Variants in PDGFD observed in about 807,000 individuals in gnomAD.
PDGFD encodes the protein platelet-derived growth factor D.
In PDGFD, 30 loss-of-function variants were observed where a neutral mutation model predicts 44.7. The observed-to-expected ratio is 0.67, with a 90% CI of 0.50 to 0.91. PDGFD has a LOEUF of 0.91. PDGFD is among the 40% of genes least tolerant of loss of function. PDGFD has a pLI of 0.00. For synonymous variants in PDGFD, 173 were observed against 168.4 expected (o/e 1.03, Z -0.21); for missense variants, 445 against 457.8 (o/e 0.97, Z 0.25).
chr11:103,982,336 C>G (rs1244023102), intron 3 of PDGFD, among the ~76,000 whole-genome samples: 1 of 151,670 alleles, frequency 6.6e-6, no homozygotes, highest in African/African-American at 2.4e-5. Context: ...TTGGTTCAGC[C>G]CAGTTAAATA....
At chr11:104,158,054 C>T (rs1376562479) in intron 1 of PDGFD, among the ~76,000 whole-genome samples, 1 of 152,240 alleles carries the variant, frequency 6.6e-6, no homozygotes. Context: ...AGTTCAGACA[C>T]CACTTCCTCT....
intron 1 of PDGFD, among the ~76,000 whole-genome samples, chr11:104,160,895 A>G (rs991621112): frequency 2.0e-5 from 3 of 152,162 alleles, no homozygotes; most frequent in African/African-American, 7.2e-5. Context: ...CAACCCTAAC[A>G]TTATGTATTT....
intron 1 of PDGFD, among the ~76,000 whole-genome samples, chr11:104,136,475 C>T (rs1862006071): frequency 6.6e-6 from 1 of 151,970 alleles, no homozygotes; most frequent in Non-Finnish European, 1.5e-5. Context: ...AAAACAAATG[C>T]CAATTAAAGA....
chr11:104,015,970 T>C (rs962242182), intron 1 of PDGFD, among the ~76,000 whole-genome samples: 2 of 152,192 alleles, frequency 1.3e-5, no homozygotes, highest in African/African-American at 2.4e-5. Flanking sequence ...ATTCTCACAA[T>C]TAATAAATTT....
rs989891953 is a variant in PDGFD at position 104,056,445 on chromosome 11, G to A, written c.125-56190C>T. Among the ~76,000 whole-genome samples the A allele has an allele frequency of 1.8e-4, 27 of 152,038 alleles. 1 individual carries two copies. Among genetic ancestry groups the A allele is most frequent in the Non-Finnish European group, 2.9e-5 (2 of 68,016 alleles). On this transcript the variant is annotated intron_variant, in intron 1 of 6. Transcript: ENST00000393158. ...TAGGATGAGATAATTCTGGATTTAG[G>A]GTGGGCCCTAAATCTGGGGACTGGT...
At chr11:103,923,466 G>C (rs1474166067) in intron 6 of PDGFD, among the ~76,000 whole-genome samples, 1 of 152,180 alleles carries the variant, frequency 6.6e-6, no homozygotes, top group Non-Finnish European at 1.5e-5. Context: ...ACACAAGCCT[G>C]TTATGTGACA....
intron 3 of PDGFD, among the ~76,000 whole-genome samples, chr11:103,971,714 T>A (rs1859105460): frequency 6.6e-6 from 1 of 152,226 alleles, no homozygotes; most frequent in Non-Finnish European, 1.5e-5. Context: ...GTTTATTCCA[T>A]CTCACGTATA....
chr11:104,045,327 T>A (rs1384989385), intron 1 of PDGFD, among the ~76,000 whole-genome samples: 1 of 152,164 alleles, frequency 6.6e-6, no homozygotes, highest in Non-Finnish European at 1.5e-5. Context: ...AAGTTAAGTA[T>A]CTTAAAAATG....
chr11:103,976,096 A>G (rs1156516806), intron 3 of PDGFD, among the ~76,000 whole-genome samples: 1 of 152,036 alleles, frequency 6.6e-6, no homozygotes, highest in Non-Finnish European at 1.5e-5. Context: ...CATTATGGCC[A>G]TTTTCATGAT....
At position 103,907,792 on chromosome 11, in the gene PDGFD, G is replaced by C. The variant is rs1258682308; in HGVS notation, c.*1902C>G. On this transcript the variant is annotated 3_prime_UTR_variant, in exon 7 of 7. Coordinates refer to ENST00000393158, the MANE Select transcript of PDGFD (RefSeq NM_025208.5). ...GAAACTTGCAAAGCAGTTATGAAGA[G>C]GAAGAGCGTTCTTAATTATTAGTGT... 6.6e-6 allele frequency: 1 copy of C among 152,166 alleles called. No individual in the cohort carries two copies. Among genetic ancestry groups the C allele is most frequent in the African/African-American group, 2.4e-5 (1 of 41,432 alleles). 9.4% of individuals were successfully genotyped at this position (152,166 alleles called of 1,614,324 possible). A position where few individuals can be genotyped will look rare whatever the true frequency, so the allele number is the denominator to read the frequency against.
At chr11:104,118,753 G>T (rs55703886) in intron 1 of PDGFD, among the ~76,000 whole-genome samples, 18,872 of 85,086 alleles carry the variant, frequency 0.22, 1,952 homozygotes, top group Middle Eastern at 0.33. Context: ...TTATTATATA[G>T]TATATATTAT....
intron 1 of PDGFD, among the ~76,000 whole-genome samples, chr11:104,160,323 G>A (rs981532463): frequency 6.6e-6 from 1 of 152,122 alleles, no homozygotes; most frequent in African/African-American, 2.4e-5. Flanking sequence ...CGCAACAAAA[G>A]GTCAAGAAAA....
At chr11:104,080,391 G>T (rs1861028269) in intron 1 of PDGFD, among the ~76,000 whole-genome samples, 1 of 152,130 alleles carries the variant, frequency 6.6e-6, no homozygotes, top group African/African-American at 2.4e-5. Flanking sequence ...AGAAATTCAA[G>T]TACTTTAAAT....
At chr11:103,937,019 T>C (rs1323058910) in intron 5 of PDGFD, among the ~76,000 whole-genome samples, 2 of 151,870 alleles carry the variant, frequency 1.3e-5, no homozygotes, top group Admixed American at 1.3e-4. Flanking sequence ...AGAGACAGGT[T>C]CTCACCATGT....
chr11:104,038,193 TC>T, intron 1 of PDGFD: 2 of 654,792 alleles, frequency 3.1e-6, no homozygotes, highest in South Asian at 4.3e-5. Flanking sequence ...TGGTCCCTCT[TC>T]CATTTCCCTT....
At chr11:103,970,236 C>T (rs891345383) in intron 3 of PDGFD, among the ~76,000 whole-genome samples, 6 of 151,952 alleles carry the variant, frequency 3.9e-5, no homozygotes, top group African/African-American at 1.4e-4. Flanking sequence ...CTCTAAATAT[C>T]AATAATTGAT....
intron 1 of PDGFD, among the ~76,000 whole-genome samples, chr11:104,040,479 T>C (rs1860329597): frequency 6.6e-6 from 1 of 152,114 alleles, no homozygotes; most frequent in Non-Finnish European, 1.5e-5. Context: ...TGTAATTCTG[T>C]GTATACTTAA....
chr11:104,049,233 A>G (rs1860488468), intron 1 of PDGFD, among the ~76,000 whole-genome samples: 1 of 152,238 alleles, frequency 6.6e-6, no homozygotes, highest in South Asian at 2.1e-4. Flanking sequence ...CAACAGGGTC[A>G]GGGAAGGTTT....
At chr11:103,937,534 C>T (rs1858509654) in intron 5 of PDGFD, among the ~76,000 whole-genome samples, 1 of 151,616 alleles carries the variant, frequency 6.6e-6, no homozygotes, top group Non-Finnish European at 1.5e-5. Context: ...TATGTTTTTT[C>T]TGTTTTGTTT....
Sources: allele counts gnomAD v4.1 joint callset (sites outside exome capture counted in the v4.1 genomes callset), GRCh38; gene constraint gnomAD v4.1.1; transcripts MANE v1.5; gene names NCBI Gene and HGNC (gene_info 2026-07-23, HGNC 2026-07-21).